PLD5: variants seen among roughly 807,000 people sequenced by gnomAD.
The protein encoded by PLD5 is phospholipase D family member 5.
Under a neutral mutation model 61.1 loss-of-function variants are expected in PLD5, and 36 were observed. The observed-to-expected ratio is 0.59, with a 90% CI of 0.45 to 0.78. The LOEUF is 0.78. Among genes scored for constraint, PLD5 ranks in the 30% least tolerant of loss-of-function variants. The probability of loss-of-function intolerance (pLI) is 0.00; values close to 1 mark genes in which losing one functional copy is unlikely to be tolerated. For synonymous variants in PLD5, 243 were observed against 242.8 expected, an observed-to-expected ratio of 1.00 and a Z score of -0.01; for missense variants, 515 against 644.4, an observed-to-expected ratio of 0.80 and a Z score of 2.17.
At position 242,100,750 on chromosome 1, in the gene PLD5, A is replaced by G. The variant is rs777524909; in HGVS notation, c.1272T>C (p.Cys424=). 6 of 1,614,062 alleles carry G rather than the reference A, an allele frequency of 3.7e-6. No individual in the cohort carries two copies. The highest frequency in any genetic ancestry group is 5.1e-6 in the Non-Finnish European group (6 of 1,179,966). ...TGTGATTCTTTTGTTCTTTTGTAGC[A>G]CAAGCATTCTCTCTTTCCAGATCAA... is the stretch of plus-strand genomic sequence containing the variant. The part of the protein sequence containing the change: ...KFFDLERENA[C]ATKEQKNHTF... Residue 424 remains cysteine, a synonymous_variant, in exon 9 of 10, where the codon TGT becomes TGC. Transcript: ENST00000536534.
intron 1 of PLD5, among the ~76,000 whole-genome samples, chr1:242,511,743 G>A (rs1668916734): frequency 6.6e-6 from 1 of 152,212 alleles, no homozygotes. Context: ...TAAATGCAAT[G>A]TGGTATCTTG....
chr1:242,220,135 C>G lies in PLD5; in HGVS notation c.608-20G>C. 6.2e-7 allele frequency: 1 copy of G among 1,613,010 alleles called. No homozygotes were observed. Among genetic ancestry groups the G allele is most frequent in the Non-Finnish European group, 8.5e-7 (1 of 1,179,148 alleles). The stretch of plus-strand genomic sequence containing the variant: ...CGGCTCCTAGGAGTTCAAGGACAGT[C>G]TGGTCAGCCTCTGCGTCAAGGCCCT... On this transcript the variant is annotated intron_variant, in intron 4 of 9. Coordinates refer to ENST00000536534, the MANE Select transcript of PLD5 (RefSeq NM_001372062.1).
chr1:242,352,163 A>G (rs1359886313), intron 1 of PLD5, among the ~76,000 whole-genome samples: 2 of 152,182 alleles, frequency 1.3e-5, no homozygotes, highest in Non-Finnish European at 2.9e-5. Context: ...AAGCAGACTT[A>G]TTCCTCCAAT....
chr1:242,527,111 C>CTTATTT (rs1669464018), upstream of PLD5, among the ~76,000 whole-genome samples: 1 of 89,636 alleles, frequency 1.1e-5, no homozygotes, highest in Non-Finnish European at 2.2e-5. Context: ...CTACTATCTC[C>CTTATTT]TTCTTTTTTT....
At chr1:242,204,652 A>G (rs78972320) in intron 5 of PLD5, among the ~76,000 whole-genome samples, 40 of 152,328 alleles carry the variant, frequency 2.6e-4, no homozygotes, top group Non-Finnish European at 4.1e-4. Flanking sequence ...AGCAGTAACC[A>G]TGCTGCAGTG....
intron 5 of PLD5, among the ~76,000 whole-genome samples, chr1:242,202,906 G>A (rs972504452): frequency 1.3e-5 from 2 of 152,044 alleles, no homozygotes; most frequent in Non-Finnish European, 2.9e-5. Flanking sequence ...GGATGCAGGC[G>A]GGGATGCCAG....
rs1323152818 is a variant in PLD5 at position 242,426,184 on chromosome 1, C to T, written c.190-77942G>A. 2.0e-5 allele frequency among the ~76,000 whole-genome samples: 3 copies of T among 151,982 alleles called. No individual in the cohort carries two copies. The South Asian group carries it at 6.2e-4, about 31-fold the overall frequency. ...CAGGATCATCAATGTCACTGTCTTCCACCTCCACATCTTATCCCACTGGAA... is the reference window on the plus strand; with the variant it reads ...CAGGATCATCAATGTCACTGTCTTCTACCTCCACATCTTATCCCACTGGAA... On this transcript the variant is annotated intron_variant, in intron 1 of 9. Transcript: ENST00000536534.
intron 1 of PLD5, among the ~76,000 whole-genome samples, chr1:242,466,472 G>GT (rs1667279962): frequency 1.3e-5 from 2 of 152,152 alleles, no homozygotes; most frequent in African/African-American, 4.8e-5. Flanking sequence ...ACAAAGGAAT[G>GT]CTATTCAGCC....
Position 242,484,620 on chromosome 1 carries a change from T to C in PLD5, c.189+39468A>G, listed in dbSNP as rs139333862. On this transcript the variant is annotated intron_variant, in intron 1 of 9. Transcript: ENST00000536534. Reference sequence around the variant, plus strand: ...ACCAGACAGATTCACAGCTGAATTCTACCAGAGGTACAAGGAGGAGCTGGT... The same window carrying C: ...ACCAGACAGATTCACAGCTGAATTCCACCAGAGGTACAAGGAGGAGCTGGT... 9.1e-3 allele frequency among the ~76,000 whole-genome samples: 1,384 copies of C among 152,306 alleles called. 25 individuals carry two copies. Among genetic ancestry groups the C allele is most frequent in the African/African-American group, 0.032 (1,309 of 41,552 alleles).
In PLD5 at chr1:242,437,648, C is replaced by G. The variant is rs1014782507; in HGVS notation, c.189+86440G>C. Among the ~76,000 whole-genome samples the G allele has an allele frequency of 1.7e-4, 26 of 151,622 alleles. No homozygotes were observed. The East Asian group carries it at 3.5e-3, about 20-fold the overall frequency. On this transcript the variant is annotated intron_variant, in intron 1 of 9. Transcript: ENST00000536534. ...GGAGGCAGAGTTGCAGATTCAGCCA[C>G]TGTACTCCAGCCTGGGCAACACAGC...
At chr1:242,370,289 C>T (rs941053927) in intron 1 of PLD5, among the ~76,000 whole-genome samples, 1 of 152,166 alleles carries the variant, frequency 6.6e-6, no homozygotes, top group Non-Finnish European at 1.5e-5. Context: ...AAATGTGTTT[C>T]ATCCCATTTA....
chr1:242,198,451 GTTT>G (rs11407961), intron 5 of PLD5, among the ~76,000 whole-genome samples: 5 of 150,904 alleles, frequency 3.3e-5, no homozygotes, highest in Non-Finnish European at 5.9e-5. Flanking sequence ...AACTGAAATT[GTTT>G]TTTTTTATTT....
chr1:242,230,694 A>T (rs1329640622), intron 4 of PLD5, among the ~76,000 whole-genome samples: 2 of 152,096 alleles, frequency 1.3e-5, no homozygotes, highest in African/African-American at 4.8e-5. Context: ...CTTTTAAGAT[A>T]ATCAATTATG....
intron 1 of PLD5, among the ~76,000 whole-genome samples, chr1:242,360,919 A>C (rs138359169): frequency 1.2e-3 from 181 of 152,266 alleles, no homozygotes; most frequent in African/African-American, 4.1e-3. Context: ...CTAGTCCAGA[A>C]GATACTCTAA....
chr1:242,174,349 A>T (rs1558305571), intron 5 of PLD5, among the ~76,000 whole-genome samples: 1 of 152,252 alleles, frequency 6.6e-6, no homozygotes, highest in Non-Finnish European at 1.5e-5. Flanking sequence ...CCACAATGGG[A>T]TACCACCTCA....
chr1:242,309,636 A>C (rs1558451829), intron 2 of PLD5, among the ~76,000 whole-genome samples: 1 of 150,482 alleles, frequency 6.6e-6, no homozygotes, highest in African/African-American at 2.4e-5. Flanking sequence ...GGCCTCCCAA[A>C]GTGCTGGGAT....
At chr1:242,236,442 C>CT (rs891151603) in intron 4 of PLD5, among the ~76,000 whole-genome samples, 9 of 152,146 alleles carry the variant, frequency 5.9e-5, no homozygotes, top group Admixed American at 2.0e-4. Context: ...TTTTACATAG[C>CT]TTTTTTTATA....
intron 5 of PLD5, among the ~76,000 whole-genome samples, chr1:242,195,510 G>C (rs927301118): frequency 3.3e-5 from 5 of 152,172 alleles, no homozygotes; most frequent in Admixed American, 6.5e-5. Flanking sequence ...GTGACACAGA[G>C]AGCCTGACAA....
At chr1:242,311,944 T>C (rs1320356609) in intron 2 of PLD5, among the ~76,000 whole-genome samples, 1 of 151,668 alleles carries the variant, frequency 6.6e-6, no homozygotes, top group Non-Finnish European at 1.5e-5. Context: ...TGATTTTAAA[T>C]GACCTTTTTC....
Sources: gnomAD v4.1 joint callset for allele counts (sites outside exome capture counted in the v4.1 genomes callset) on GRCh38, gnomAD v4.1.1 for gene constraint, MANE v1.5 for transcripts, NCBI Gene and HGNC (gene_info 2026-07-23, HGNC 2026-07-21) for gene names.